HSPA4: variants seen among roughly 807,000 people sequenced by gnomAD.
HSPA4 encodes heat shock 70 kDa protein 4.
In HSPA4, 25 loss-of-function variants were observed where a neutral mutation model predicts 106.2. The observed-to-expected ratio is 0.24, with a 90% CI of 0.17 to 0.33. The LOEUF (loss-of-function observed/expected upper bound fraction) is 0.33, where lower values mean the gene tolerates loss of function less well. Ranked by LOEUF, HSPA4 falls within the 10% of genes least tolerant of loss-of-function variation. The probability of loss-of-function intolerance (pLI) is 1.00; values close to 1 mark genes in which losing one functional copy is unlikely to be tolerated. For synonymous variants in HSPA4, 332 were observed against 333.6 expected (o/e 1.00, Z 0.05); for missense variants, 841 against 996.0 (o/e 0.84, Z 2.10).
chr5:133,092,814 T>TTTTG lies in HSPA4; in HGVS notation c.1650+28_1650+29insGTTT, dbSNP rs1424726693. The TTTTG allele has an allele frequency of 2.5e-4, 174 of 690,560 alleles. 1 individual carries two copies. The African/African-American group carries it at 8.0e-3, about 32-fold the overall frequency. 42.8% of individuals were successfully genotyped at this position (690,560 alleles called of 1,614,324 possible). The stretch of plus-strand genomic sequence containing the variant: ...GGTATGCATTGGGTGGTGTTTTTTT[T>TTTTG]TTTTTTTTTTTTTTTTTTTTTTTTG... On this transcript the variant is annotated intron_variant, in intron 13 of 18. Transcript: ENST00000304858.
At chr5:133,053,323 C>CTAT (rs1362768638) in intron 1 of HSPA4, among the ~76,000 whole-genome samples, 21,526 of 127,656 alleles carry the variant, frequency 0.17, 2,375 homozygotes, top group South Asian at 0.23. Context: ...TTCAGGGTCT[C>CTAT]TCTTCTTTTT....
chr5:133,078,635 CAAA>C (rs57393822), intron 7 of HSPA4, among the ~76,000 whole-genome samples: 10 of 79,574 alleles, frequency 1.3e-4, no homozygotes, highest in African/African-American at 3.8e-4. Context: ...ACACTGTCTC[CAAA>C]AAAAAAAAAA....
intron 11 of HSPA4, 67 bp downstream of exon 11, chr5:133,089,762 C>T: frequency 7.8e-7 from 1 of 1,288,620 alleles, no homozygotes; most frequent in Non-Finnish European, 1.1e-6. Context: ...AACTGTAATC[C>T]CAACACTTTG....
rs1427607194 is a variant in HSPA4, at chr5:133,087,616, A to AT, written c.985+764dup. 1.5e-4 allele frequency among the ~76,000 whole-genome samples: 23 copies of AT among 152,180 alleles called. No homozygotes were observed. The East Asian group carries it at 3.9e-3, about 26-fold the overall frequency. ...TACGAAGAAACTGTACCTGTAGTTT[A>AT]TTTTTTATTTTATTTTTATTTTTTG... On this transcript the variant is annotated intron_variant, in intron 8 of 18. Transcript: ENST00000304858.
Position 133,097,264 on chromosome 5 carries a change from A to G in HSPA4, c.1907A>G (p.Tyr636Cys). 4 of 1,613,038 alleles carry G rather than the reference A, an allele frequency of 2.5e-6. No individual in the cohort carries two copies. The highest frequency in any genetic ancestry group is 3.4e-6 in the Non-Finnish European group (4 of 1,179,208). ...YEMRDKLSGEYEKFVSEDDRN... is the reference protein window; with the variant it reads ...YEMRDKLSGECEKFVSEDDRN... Reference sequence around the variant, plus strand: ...ATGAGAGACAAGCTTAGTGGTGAATATGAGAAGTTTGTGAGTGAAGATGTA... The same window carrying G: ...ATGAGAGACAAGCTTAGTGGTGAATGTGAGAAGTTTGTGAGTGAAGATGTA... Residue 636 changes from tyrosine (Y) to cysteine (C), a missense_variant, in exon 15 of 19, where the codon TAT becomes TGT. This residue lies in a region of HSPA4 where 328 missense variants were observed against 372.2 expected (regional missense o/e 0.88). Coordinates refer to ENST00000304858, the MANE Select transcript of HSPA4 (RefSeq NM_002154.4).
intron 1 of HSPA4, among the ~76,000 whole-genome samples, chr5:133,061,367 C>T (rs1269028395): frequency 1.3e-5 from 2 of 152,012 alleles, no homozygotes; most frequent in Non-Finnish European, 2.9e-5. Flanking sequence ...CGTGATCCAC[C>T]CGCCTTGGCC....
chr5:133,087,812 C>T (rs895146761), intron 8 of HSPA4, among the ~76,000 whole-genome samples: 4 of 151,994 alleles, frequency 2.6e-5, no homozygotes, highest in African/African-American at 4.8e-5. Context: ...TTAGTGGAGA[C>T]GGGGTTTTAC....
At position 133,052,184 on chromosome 5, in the gene HSPA4, C is replaced by G; in HGVS notation, c.-67C>G. On this transcript the variant is annotated 5_prime_UTR_variant, in exon 1 of 19. Coordinates refer to ENST00000304858, the MANE Select transcript of HSPA4 (RefSeq NM_002154.4). ...GAGGCCTGCTTTCCACTCGCTAGCC[C>G]CGCCGGGGGTCCGTGTCCTGTCTCG... 8.8e-7 allele frequency: 1 copy of G among 1,136,946 alleles called. No homozygotes were observed. The highest frequency in any genetic ancestry group is 1.3e-5 in the South Asian group (1 of 75,664). The allele number at this position is 1,136,946 out of a possible 1,614,324, so 70.4% of individuals were successfully genotyped here. A position where few individuals can be genotyped will look rare whatever the true frequency, so the allele number is the denominator to read the frequency against.
chr5:133,059,795 A>G (rs190111117), intron 1 of HSPA4, among the ~76,000 whole-genome samples: 2 of 152,288 alleles, frequency 1.3e-5, no homozygotes, highest in East Asian at 3.9e-4. Flanking sequence ...GATGCTTAGC[A>G]CACCACCTGG....
At chr5:133,098,954 C>A (rs1765749826) in intron 15 of HSPA4, among the ~76,000 whole-genome samples, 1 of 152,012 alleles carries the variant, frequency 6.6e-6, no homozygotes, top group Non-Finnish European at 1.5e-5. Flanking sequence ...CAGGCGTGAG[C>A]CAGTGTTCCC....
intron 6 of HSPA4, among the ~76,000 whole-genome samples, chr5:133,075,887 T>C (rs1275344992): frequency 1.3e-5 from 2 of 152,144 alleles, no homozygotes; most frequent in African/African-American, 4.8e-5. Context: ...TCTTAACAGC[T>C]TGATGTATTT....
Position 133,096,387 on chromosome 5 carries a change from T to C in HSPA4, c.1803+137T>C, listed in dbSNP as rs1041088537. On this transcript the variant is annotated intron_variant, in intron 14 of 18. Transcript: ENST00000304858. ...AATAAATTAGACTTTTGTGTGGTAT[T>C]GTAAGGGCAAGTTGAAGCAATAGAT... 5 of 712,496 alleles carry C rather than the reference T, an allele frequency of 7.0e-6. No homozygotes were observed. The Admixed American group carries it at 1.2e-4, about 17-fold the overall frequency. The allele number at this position is 712,496 out of a possible 1,614,324, so 44.1% of individuals were successfully genotyped here. A position where few individuals can be genotyped will look rare whatever the true frequency, so the allele number is the denominator to read the frequency against.
At chr5:133,061,125 CTTT>C (rs576430090) in intron 1 of HSPA4, among the ~76,000 whole-genome samples, 6 of 135,792 alleles carry the variant, frequency 4.4e-5, no homozygotes. Context: ...GTTTTCTTTT[CTTT>C]TTTTTTTTTT....
chr5:133,097,339 A>T (rs1372893977), intron 15 of HSPA4, 53 bp downstream of exon 15: 5 of 1,554,046 alleles, frequency 3.2e-6, no homozygotes, highest in Non-Finnish European at 4.4e-6. Flanking sequence ...GAACATCTTT[A>T]AGTGGGTTAG....
At chr5:133,067,700 A>G (rs892687376) in intron 3 of HSPA4, 143 bp downstream of exon 3, 10 of 694,982 alleles carry the variant, frequency 1.4e-5, no homozygotes, top group Non-Finnish European at 7.1e-6. Context: ...AGTAAAGACT[A>G]TTTGACAATT....
chr5:133,067,437 C>T lies in HSPA4; in HGVS notation c.186C>T (p.Asn62=). 6.2e-7 allele frequency: 1 copy of T among 1,612,732 alleles called. No homozygotes were observed. ...CTTAGGTAATTTCTAATGCAAAGAA[C>T]ACAGTCCAAGGATTTAAAAGATTCC... ...AKSQVISNAK[N]TVQGFKRFHG... Residue 62 remains asparagine (N), a synonymous_variant, in exon 3 of 19, where the codon AAC becomes AAT. Transcript: ENST00000304858.
intron 3 of HSPA4, among the ~76,000 whole-genome samples, chr5:133,067,949 A>G (rs886438369): frequency 6.6e-6 from 1 of 151,034 alleles, no homozygotes; most frequent in Non-Finnish European, 1.5e-5. Flanking sequence ...CTGGTGGGCA[A>G]TGGTGTGATC....
Position 133,101,766 on chromosome 5 carries a change from G to A in HSPA4, c.2045G>A (p.Gly682Asp). ...GTGTATTCTTCTGTTAAGAATCTAG[G>A]TCAACCTATTAAGATACGTTTCCAG... ...VDKLAELKNLGQPIKIRFQES... is the reference protein window; with the variant it reads ...VDKLAELKNLDQPIKIRFQES... The change falls in exon 17 of 19, where the codon GGT becomes GAT. Residue 682 changes from glycine (G) to aspartate (D), a missense_variant. Coordinates refer to ENST00000304858, the MANE Select transcript of HSPA4 (RefSeq NM_002154.4). The A allele has an allele frequency of 1.2e-6, 2 of 1,609,112 alleles. No individual in the cohort carries two copies. The highest frequency in any genetic ancestry group is 2.7e-5 in the African/African-American group (2 of 74,788).
At chr5:133,102,911 G>GTTTTTTTTTTTTTTTTTTTT (rs1581483781) in intron 17 of HSPA4, among the ~76,000 whole-genome samples, 1 of 48,902 alleles carries the variant, frequency 2.0e-5, no homozygotes, top group Non-Finnish European at 4.1e-5. Context: ...AACTAGGGTT[G>GTTTTTTTTTTTTTTTTTTTT]TCTTTTTTTT....
Sources: gnomAD v4.1 joint callset for allele counts (sites outside exome capture counted in the v4.1 genomes callset) on GRCh38, gnomAD v4.1.1 for gene constraint, gnomAD v4.1.1 regional missense constraint, MANE v1.5 for transcripts, NCBI Gene and HGNC (gene_info 2026-07-23, HGNC 2026-07-21) for gene names.